The following STAG1 variants were observed in gnomAD, a reference collection of about 807,000 sequenced individuals.
STAG1 encodes STAG1 cohesin complex component.
STAG1 carries 26 observed loss-of-function variants against 170.9 expected under a neutral mutation model. That is an observed-to-expected ratio of 0.15 (90% CI 0.11 to 0.21). STAG1 has a LOEUF of 0.21. STAG1 is among the 10% of genes least tolerant of loss of function. The pLI is 1.00. For synonymous variants in STAG1, 514 were observed against 497.7 expected (o/e 1.03, Z -0.44); for missense variants, 964 against 1,509.5 (o/e 0.64, Z 5.99).
At chr3:136,612,889 T>C (rs1232690729) in intron 3 of STAG1, among the ~76,000 whole-genome samples, 3 of 152,244 alleles carry the variant, frequency 2.0e-5, no homozygotes, top group East Asian at 1.9e-4. Flanking sequence ...AAATCAGCTA[T>C]GTATATACCT....
chr3:136,642,636 A>G (rs2107847892), intron 1 of STAG1, among the ~76,000 whole-genome samples: 1 of 152,358 alleles, frequency 6.6e-6, no homozygotes, highest in East Asian at 1.9e-4. Flanking sequence ...TTGTATGGGA[A>G]TAATTTCTCC....
chr3:136,366,406 C>T (rs1331293174), intron 25 of STAG1, among the ~76,000 whole-genome samples: 1 of 152,024 alleles, frequency 6.6e-6, no homozygotes, highest in African/African-American at 2.4e-5. Flanking sequence ...CTCCTTAGTG[C>T]AGAAATCATG....
intron 3 of STAG1, among the ~76,000 whole-genome samples, chr3:136,606,710 A>G (rs933368448): frequency 6.6e-6 from 1 of 151,546 alleles, no homozygotes; most frequent in African/African-American, 2.4e-5. Flanking sequence ...ATAACTAGAC[A>G]AGGGATTATG....
At chr3:136,427,144 G>A (rs1349092699) in intron 16 of STAG1, among the ~76,000 whole-genome samples, 5 of 150,738 alleles carry the variant, frequency 3.3e-5, no homozygotes, top group South Asian at 2.1e-4. Context: ...CAGGAGAATC[G>A]CTTGAACCCG....
intron 6 of STAG1, among the ~76,000 whole-genome samples, chr3:136,536,128 C>A (rs995534395): frequency 3.9e-5 from 6 of 152,004 alleles, no homozygotes; most frequent in African/African-American, 1.4e-4. Flanking sequence ...TTGGAATATA[C>A]TTTGGCTTCA....
chr3:136,628,183 TCCC>T (rs1208867379), intron 2 of STAG1, among the ~76,000 whole-genome samples: 3 of 152,056 alleles, frequency 2.0e-5, no homozygotes, highest in African/African-American at 7.2e-5. Flanking sequence ...TTCCTTCCAC[TCCC>T]CCACTTCTCT....
chr3:136,751,613 C>G (rs1473751840), intron 1 of STAG1, among the ~76,000 whole-genome samples: 2 of 152,146 alleles, frequency 1.3e-5, no homozygotes, highest in Non-Finnish European at 2.9e-5. Flanking sequence ...TGCCCCACCC[C>G]GCCAACAAGA....
chr3:136,608,395 G>A (rs578082260), intron 3 of STAG1, among the ~76,000 whole-genome samples: 1 of 151,010 alleles, frequency 6.6e-6, no homozygotes, highest in South Asian at 2.1e-4. Flanking sequence ...AGCTAGGGTA[G>A]TAATGTGTGC....
At chr3:136,594,393 G>A (rs947838330) in intron 4 of STAG1, among the ~76,000 whole-genome samples, 1 of 152,162 alleles carries the variant, frequency 6.6e-6, no homozygotes, top group Admixed American at 6.5e-5. Context: ...GACAGAGAAT[G>A]TCTGATCACA....
chr3:136,493,279 G>A (rs930356454), intron 9 of STAG1, among the ~76,000 whole-genome samples: 1 of 152,110 alleles, frequency 6.6e-6, no homozygotes, highest in African/African-American at 2.4e-5. Context: ...GGATGTTGAG[G>A]CTGAAGTGAG....
chr3:136,536,703 C>CAA lies in STAG1; in HGVS notation c.471+5414_471+5415dup, dbSNP rs11321017. Among the ~76,000 whole-genome samples the CAA allele has an allele frequency of 8.8e-3, 620 of 70,644 alleles. 9 individuals carry two copies. The highest frequency in any genetic ancestry group is 0.056 in the East Asian group (121 of 2,176). The allele number at this position is 70,644 out of a possible 152,430, so 46.3% of individuals were successfully genotyped here. ...GGGTGACAGAGCAAGACTCAGTCTC[C>CAA]AAAAAAAAAAAAAAAAAAAAAAACT... On this transcript the variant is annotated intron_variant, in intron 6 of 33. Transcript: ENST00000383202.
chr3:136,507,429 T>C (rs1037689051), intron 7 of STAG1, among the ~76,000 whole-genome samples: 1 of 152,122 alleles, frequency 6.6e-6, no homozygotes, highest in African/African-American at 2.4e-5. Flanking sequence ...AGTGGTGCAA[T>C]CACAGCTCCC....
intron 1 of STAG1, among the ~76,000 whole-genome samples, chr3:136,735,581 G>A (rs1284049254): frequency 6.6e-6 from 1 of 152,044 alleles, no homozygotes; most frequent in Non-Finnish European, 1.5e-5. Context: ...GGGATTACAG[G>A]CATACACCAC....
At chr3:136,749,423 AAATT>A (rs1233548532) in intron 1 of STAG1, among the ~76,000 whole-genome samples, 3 of 152,196 alleles carry the variant, frequency 2.0e-5, no homozygotes, top group Admixed American at 6.6e-5. Context: ...TATCACAAGG[AAATT>A]AATTGTGCCA....
At chr3:136,596,835 G>A (rs1938449135) in intron 4 of STAG1, among the ~76,000 whole-genome samples, 13 of 152,192 alleles carry the variant, frequency 8.5e-5, no homozygotes, top group Admixed American at 8.5e-4. Context: ...CACCTTGGGA[G>A]GCCAAGGCAG....
At chr3:136,386,489 T>C (rs746845104) in intron 22 of STAG1, among the ~76,000 whole-genome samples, 4 of 152,154 alleles carry the variant, frequency 2.6e-5, no homozygotes, top group Non-Finnish European at 5.9e-5. Context: ...AGGCTCAAAT[T>C]TGACATCTTA....
intron 1 of STAG1, among the ~76,000 whole-genome samples, chr3:136,688,546 C>T (rs1361570241): frequency 2.6e-5 from 4 of 152,118 alleles, no homozygotes; most frequent in African/African-American, 7.2e-5. Context: ...CGCATGTCAC[C>T]GCGCCCAGCT....
At chr3:136,408,842 A>G (rs1159430739) in intron 21 of STAG1, among the ~76,000 whole-genome samples, 3 of 152,232 alleles carry the variant, frequency 2.0e-5, no homozygotes, top group Non-Finnish European at 4.4e-5. Flanking sequence ...AGAATACTAA[A>G]AGGTTTTTAT....
intron 5 of STAG1, among the ~76,000 whole-genome samples, chr3:136,555,817 C>A (rs1176809415): frequency 6.6e-6 from 1 of 151,124 alleles, no homozygotes; most frequent in African/African-American, 2.4e-5. Flanking sequence ...ACCAAACATT[C>A]TGGAAAGAAA....
Sources: allele counts gnomAD v4.1 joint callset (sites outside exome capture counted in the v4.1 genomes callset), GRCh38; gene constraint gnomAD v4.1.1; transcripts MANE v1.5; gene names NCBI Gene and HGNC (gene_info 2026-07-23, HGNC 2026-07-21).